The following RPS6KC1 variants were observed in gnomAD, a reference collection of about 807,000 sequenced individuals.
RPS6KC1 encodes ribosomal protein S6 kinase C1.
RPS6KC1 carries 54 observed loss-of-function variants against 103.8 expected under a neutral mutation model. That is an observed-to-expected ratio of 0.52 (90% CI 0.42 to 0.65). RPS6KC1 has a LOEUF of 0.65. Ranked by LOEUF, RPS6KC1 falls within the 30% of genes least tolerant of loss-of-function variation. The pLI, the probability that RPS6KC1 is intolerant of heterozygous loss-of-function variation, is 0.00. For synonymous variants in RPS6KC1, 439 were observed against 438.7 expected, an observed-to-expected ratio of 1.00 and a Z score of -0.01; for missense variants, 1,151 against 1,253.8, an observed-to-expected ratio of 0.92 and a Z score of 1.24.
At chr1:213,763,263 A>C in the RPS6KC1 span, among the ~76,000 whole-genome samples, 3 of 152,338 alleles carry the variant, frequency 2.0e-5, no homozygotes, top group East Asian at 5.8e-4. Flanking sequence ...CCAAACGACG[A>C]GAGTCCCTTC....
chr1:213,715,052 T>C, the RPS6KC1 span, among the ~76,000 whole-genome samples: 2 of 152,266 alleles, frequency 1.3e-5, no homozygotes, highest in East Asian at 3.9e-4. Flanking sequence ...AGATTGTGAC[T>C]AAGAGAAGCA....
At chr1:213,668,095 G>T in the RPS6KC1 span, among the ~76,000 whole-genome samples, 2 of 152,268 alleles carry the variant, frequency 1.3e-5, no homozygotes, top group East Asian at 3.9e-4. Flanking sequence ...TGGATATTTT[G>T]ACCTCTTGCC....
At chr1:213,283,051 A>G in the RPS6KC1 span, among the ~76,000 whole-genome samples, 2 of 152,190 alleles carry the variant, frequency 1.3e-5, no homozygotes, top group Non-Finnish European at 2.9e-5. Context: ...GTGGATGTAC[A>G]TTGAATTCTT....
chr1:213,493,312 A>T, the RPS6KC1 span, among the ~76,000 whole-genome samples: 3 of 152,220 alleles, frequency 2.0e-5, no homozygotes, highest in Non-Finnish European at 4.4e-5. Context: ...TGAGCTTTCT[A>T]TATTGGCCAA....
the RPS6KC1 span, among the ~76,000 whole-genome samples, chr1:213,302,946 A>G: frequency 1.3e-5 from 2 of 152,372 alleles, no homozygotes; most frequent in South Asian, 4.1e-4. Context: ...ATCATCTGAC[A>G]GCTTGAGAGA....
the RPS6KC1 span, among the ~76,000 whole-genome samples, chr1:213,680,294 C>A: frequency 0.019 from 2,920 of 152,196 alleles, 96 homozygotes; most frequent in African/African-American, 0.064. Context: ...GTGCCTGTTA[C>A]GTGAAAAACA....
At chr1:213,564,213 C>G in the RPS6KC1 span, among the ~76,000 whole-genome samples, 6 of 152,084 alleles carry the variant, frequency 3.9e-5, no homozygotes, top group Non-Finnish European at 8.8e-5. Context: ...GATAGGTTAA[C>G]TGGGTATAAA....
rs922391159 is a variant in RPS6KC1, at chr1:213,176,401, C to T, written c.953C>T (p.Pro318Leu). 2 of 1,596,992 alleles carry T rather than the reference C, an allele frequency of 1.3e-6. No homozygotes were observed. The highest frequency in any genetic ancestry group is 2.7e-5 in the African/African-American group (2 of 74,712). ...GKPQLDDVSQ[P>L]PGSLSSRPLW... The stretch of plus-strand genomic sequence containing the variant: ...ATAATCTTTGATATCTTCCATTAGC[C>T]TCCAGGATCACTAAGTTCAAGGCCC... The change falls in exon 8 of 15, where the codon CCT becomes CTT. Residue 318 changes from proline to leucine, a missense_variant and splice_region_variant. Pro to Leu is a moderately conservative substitution (Grantham distance 98). This residue lies in a region of RPS6KC1 where 959 missense variants were observed against 1,006.3 expected (regional missense o/e 0.95). Coordinates refer to ENST00000366960, the MANE Select transcript of RPS6KC1 (RefSeq NM_012424.6).
chr1:213,155,789 G>A (rs1022839744), intron 6 of RPS6KC1, among the ~76,000 whole-genome samples: 4 of 151,914 alleles, frequency 2.6e-5, no homozygotes, highest in African/African-American at 7.3e-5. Context: ...TTGTTAACTT[G>A]GTGTTCTTGT....
chr1:213,438,702 T>G, the RPS6KC1 span, among the ~76,000 whole-genome samples: 1 of 152,214 alleles, frequency 6.6e-6, no homozygotes, highest in Admixed American at 6.5e-5. Context: ...CTAGTACAGC[T>G]TAGGATTCAG....
At chr1:213,763,151 G>T in the RPS6KC1 span, among the ~76,000 whole-genome samples, 4 of 152,166 alleles carry the variant, frequency 2.6e-5, no homozygotes, top group Admixed American at 2.0e-4. Context: ...GGGCCACTGA[G>T]CCTGGCCTTA....
At chr1:213,374,943 C>T in the RPS6KC1 span, among the ~76,000 whole-genome samples, 1 of 152,106 alleles carries the variant, frequency 6.6e-6, no homozygotes, top group Non-Finnish European at 1.5e-5. Context: ...GTTTCTACGT[C>T]TCATATATTT....
chr1:213,272,840 TAC>T lies in RPS6KC1; in HGVS notation c.*208_*209del. 2.3e-6 allele frequency: 1 copy of T among 431,864 alleles called. No individual in the cohort carries two copies. Among genetic ancestry groups the T allele is most frequent in the African/African-American group, 2.0e-5 (1 of 50,280 alleles). The allele number at this position is 431,864 out of a possible 1,614,324, so 26.8% of individuals were successfully genotyped here. A position where few individuals can be genotyped will look rare whatever the true frequency, so the allele number is the denominator to read the frequency against. On this transcript the variant is annotated 3_prime_UTR_variant, in exon 15 of 15. Transcript: ENST00000366960. ...GCTAATTGTGCCAGGGGCTGTTATATACATATATACACAACCAAGGTGTGATC... is the reference window on the plus strand; with the variant it reads ...GCTAATTGTGCCAGGGGCTGTTATATATATATACACAACCAAGGTGTGATC...
the RPS6KC1 span, among the ~76,000 whole-genome samples, chr1:213,851,424 G>A: frequency 6.6e-6 from 1 of 151,940 alleles, no homozygotes; most frequent in Non-Finnish European, 1.5e-5. Context: ...AGTCATAAAT[G>A]TGGAAACCCA....
intron 1 of RPS6KC1, among the ~76,000 whole-genome samples, chr1:213,061,628 T>G (rs2148357388): frequency 6.6e-6 from 1 of 150,890 alleles, no homozygotes; most frequent in East Asian, 2.0e-4. Flanking sequence ...CCAGTTTAAA[T>G]ATGTCAGTAT....
chr1:213,538,948 C>T, the RPS6KC1 span, among the ~76,000 whole-genome samples: 2 of 152,212 alleles, frequency 1.3e-5, no homozygotes, highest in East Asian at 3.9e-4. Context: ...TTGATGGAGC[C>T]AGGACAGATA....
chr1:213,686,092 A>G, the RPS6KC1 span, among the ~76,000 whole-genome samples: 7 of 152,184 alleles, frequency 4.6e-5, no homozygotes, highest in African/African-American at 1.7e-4. Flanking sequence ...ATCTTAGGCC[A>G]TAATTGCTCA....
At chr1:213,275,823 C>T (rs1388999838), downstream of RPS6KC1, among the ~76,000 whole-genome samples, 2 of 152,304 alleles carry the variant, frequency 1.3e-5, no homozygotes, top group South Asian at 2.1e-4. Flanking sequence ...CCTATTCTTC[C>T]TGTCTAACTG....
At chr1:213,809,576 C>A in the RPS6KC1 span, among the ~76,000 whole-genome samples, 2 of 152,128 alleles carry the variant, frequency 1.3e-5, no homozygotes, top group East Asian at 3.8e-4. Context: ...CATGTATAAT[C>A]TAGTTGGCCA....
Sources: gnomAD v4.1 joint callset for allele counts (sites outside exome capture counted in the v4.1 genomes callset) on GRCh38, gnomAD v4.1.1 for gene constraint, gnomAD v4.1.1 regional missense constraint, MANE v1.5 for transcripts, NCBI Gene and HGNC (gene_info 2026-07-23, HGNC 2026-07-21) for gene names.